The following DMTN variants were observed in gnomAD, a reference collection of about 807,000 sequenced individuals.
DMTN encodes dematin actin binding protein, also known as dematin.
A neutral mutation model predicts 59.4 loss-of-function variants in DMTN; 27 were observed. The observed-to-expected ratio is 0.45, with a 90% CI of 0.33 to 0.63. DMTN has a LOEUF of 0.63. Among genes scored for constraint, DMTN ranks in the 20% least tolerant of loss-of-function variants. The pLI is 0.02. For missense variants in DMTN, 451 were observed against 528.9 expected (o/e 0.85, Z 1.45); for synonymous variants, 221 against 203.7 (o/e 1.08, Z -0.72).
Position 22,066,890 on chromosome 8 carries a change from G to A in DMTN, c.15G>A (p.Gln5=), listed in dbSNP as rs763486749. Residue 5 remains glutamine (Q), a synonymous_variant, in exon 2 of 16, where the codon CAG becomes CAA. Transcript: ENST00000358242. ...CTCCGTGCTGCATGGAACGGCTGCA[G>A]AAGGTGCGCGGCGCCGCCCCGGGCC... MERL[Q]KQPLTSPGSV... 2 of 1,299,742 alleles carry A rather than the reference G, an allele frequency of 1.5e-6. No homozygotes were observed. The highest frequency in any genetic ancestry group is 2.3e-5 in the South Asian group (1 of 44,392). The allele number at this position is 1,299,742 out of a possible 1,614,324, so 80.5% of individuals were successfully genotyped here. A position where few individuals can be genotyped will look rare whatever the true frequency, so the allele number is the denominator to read the frequency against.
At chr8:22,056,668 G>C (rs550118396), upstream of DMTN, among the ~76,000 whole-genome samples, 1 of 151,730 alleles carries the variant, frequency 6.6e-6, no homozygotes, top group Non-Finnish European at 1.5e-5. Flanking sequence ...TGCTCCTCTT[G>C]TTTGAAATGG....
intron 10 of DMTN, among the ~76,000 whole-genome samples, chr8:22,078,703 G>A (rs1821561694): frequency 6.6e-6 from 1 of 151,678 alleles, no homozygotes; most frequent in Admixed American, 6.6e-5. Flanking sequence ...TTGAGACTGA[G>A]GTCCAGTAAT....
upstream of DMTN, chr8:22,054,698 T>C (rs963662965): frequency 6.5e-6 from 1 of 152,696 alleles, no homozygotes; most frequent in African/African-American, 2.4e-5. Context: ...TAGAGCCTTA[T>C]GAAAGGAAGT....
intron 7 of DMTN, 56 bp from the exon 8 acceptor site, chr8:22,070,126 T>C (rs922683892): frequency 1.0e-5 from 16 of 1,556,344 alleles, no homozygotes; most frequent in African/African-American, 2.7e-5. Context: ...GGGGTGAAGG[T>C]AGCCAAGTTG....
At chr8:22,068,703 T>G (rs1812742609) in intron 4 of DMTN, among the ~76,000 whole-genome samples, 4 of 143,674 alleles carry the variant, frequency 2.8e-5, no homozygotes, top group African/African-American at 7.8e-5. Context: ...TAGGAAAAAA[T>G]TAAAAGAAAG....
chr8:22,078,437 A>G (rs967323206), intron 10 of DMTN, among the ~76,000 whole-genome samples: 1 of 149,228 alleles, frequency 6.7e-6, no homozygotes, highest in Non-Finnish European at 1.5e-5. Flanking sequence ...ATATACATAT[A>G]TATGTATATA....
Position 22,081,338 on chromosome 8 carries a change from T to TC in DMTN, c.1105-7dup. ...CCCCTCCATGCTGAGCTGCCCCGAT[T>TC]CCCCCATGTAGAGGCATCTGTCTGC... On this transcript the variant is annotated splice_polypyrimidine_tract_variant and intron_variant, in intron 15 of 15. Transcript: ENST00000358242. 3 of 1,613,084 alleles carry TC rather than the reference T, an allele frequency of 1.9e-6. No homozygotes were observed. Among genetic ancestry groups the TC allele is most frequent in the Non-Finnish European group, 2.5e-6 (3 of 1,179,158 alleles).
At chr8:22,071,387 T>A (rs1278598847) in intron 8 of DMTN, among the ~76,000 whole-genome samples, 1 of 150,064 alleles carries the variant, frequency 6.7e-6, no homozygotes, top group Non-Finnish European at 1.5e-5. Context: ...TGAGCCACCA[T>A]GCCTGACTCT....
chr8:22,070,426 A>T, intron 8 of DMTN, 92 bp downstream of exon 8: 3 of 1,445,652 alleles, frequency 2.1e-6, no homozygotes, highest in Non-Finnish European at 2.8e-6. Context: ...ACCCACTCCC[A>T]CCCCTGCCCT....
upstream of DMTN, among the ~76,000 whole-genome samples, chr8:22,054,103 T>TACACACACACACACACAG (rs1554530810): frequency 1.5e-4 from 22 of 148,340 alleles, no homozygotes; most frequent in African/African-American, 5.5e-4. Context: ...CCACCACCAA[T>TACACACACACACACACAG]ACACACACAC....
chr8:22,054,103 T>TACACACACACACACACACAG (rs59308901), upstream of DMTN, among the ~76,000 whole-genome samples: 10,113 of 148,350 alleles, frequency 0.068, 1,133 homozygotes, highest in African/African-American at 0.24. Context: ...CCACCACCAA[T>TACACACACACACACACACAG]ACACACACAC....
At position 22,067,167 on chromosome 8, in the gene DMTN, C is replaced by T; in HGVS notation, c.93+8C>T. 1 of 1,608,808 alleles carries T rather than the reference C, an allele frequency of 6.2e-7. No individual in the cohort carries two copies. The highest frequency in any genetic ancestry group is 8.5e-7 in the Non-Finnish European group (1 of 1,178,022). On this transcript the variant is annotated splice_region_variant and intron_variant, in intron 3 of 15. Transcript: ENST00000358242. Reference sequence around the variant, plus strand: ...TCTCCCTCCAGCATCGTGGTGAGTACCCCTCTCGGCCACCAGCAACCCCTG... The same window carrying T: ...TCTCCCTCCAGCATCGTGGTGAGTATCCCTCTCGGCCACCAGCAACCCCTG...
In DMTN at chr8:22,069,504, A is replaced by G; in HGVS notation, c.380A>G (p.His127Arg). The change falls in exon 6 of 16, where the codon CAT (histidine) becomes CGT (arginine). Residue 127 changes from histidine (H) to arginine (R), a missense_variant. By Grantham distance (29) the His-to-Arg change is conservative. Coordinates refer to ENST00000358242, the MANE Select transcript of DMTN (RefSeq NM_001387751.1). ...TTGTPRTSLP[H>R]FHHPETSRPD... ...GGAACCCCCCGGACCAGCCTGCCCC[A>G]TTTCCACCACCCTGGTAGGTCTTCT... 1 of 1,598,398 alleles carries G rather than the reference A, an allele frequency of 6.3e-7. No homozygotes were observed. Among genetic ancestry groups the G allele is most frequent in the Non-Finnish European group, 8.5e-7 (1 of 1,173,370 alleles).
chr8:22,074,290 T>C (rs1350641623), intron 10 of DMTN, among the ~76,000 whole-genome samples: 3 of 152,232 alleles, frequency 2.0e-5, no homozygotes, highest in Admixed American at 6.5e-5. Flanking sequence ...GTTTGTTTTA[T>C]TGAGACAGGG....
rs200424061 is a variant in DMTN at position 22,082,274 on chromosome 8, C to T, written c.*811C>T. The T allele has an allele frequency of 2.2e-6, 1 of 456,950 alleles. No homozygotes were observed. Among genetic ancestry groups the T allele is most frequent in the Non-Finnish European group, 4.4e-6 (1 of 227,012 alleles). The allele number at this position is 456,950 out of a possible 1,614,324, so 28.3% of individuals were successfully genotyped here. ...TCTCACCTACACCCACGCACCCCCC[C>T]ACACACTATGCTCTCTCAAGAATGT... On this transcript the variant is annotated 3_prime_UTR_variant, in exon 16 of 16. Transcript: ENST00000358242.
upstream of DMTN, among the ~76,000 whole-genome samples, chr8:22,051,887 C>T (rs189017763): frequency 5.3e-5 from 8 of 152,340 alleles, no homozygotes; most frequent in Middle Eastern, 3.4e-3. Flanking sequence ...CACACTATCC[C>T]GGCCAAACTC....
chr8:22,048,951 C>T (rs1356571015), upstream of DMTN: 1 of 146,346 alleles, frequency 6.8e-6, no homozygotes, highest in African/African-American at 2.4e-5. This position sits in a 1 kb window ranked among gnomAD's most constrained non-coding sequence, Gnocchi z 6.9. Context: ...GGGCTCGGCC[C>T]CGCGGGAGGC....
rs1409943934 is a variant in DMTN, at chr8:22,058,039, G to A, written c.-172+903G>A. On this transcript the variant is annotated intron_variant, in intron 1 of 15. Transcript: ENST00000358242. The surrounding 1 kb of genome is among the most constrained non-coding windows in gnomAD (Gnocchi z 4.3). ...GATGGATGCCAGGGAGAGGACCGGT[G>A]GGTGGGTGTGAGCGGGTGTTGGCAG... 3 of 152,458 alleles carry A rather than the reference G, an allele frequency of 2.0e-5. No individual in the cohort carries two copies. The highest frequency in any genetic ancestry group is 4.4e-5 in the Non-Finnish European group (3 of 68,196). The allele number at this position is 152,458 out of a possible 1,614,324, so 9.4% of individuals were successfully genotyped here. A position where few individuals can be genotyped will look rare whatever the true frequency, so the allele number is the denominator to read the frequency against.
chr8:22,049,520 T>G (rs1185059713), upstream of DMTN, among the ~76,000 whole-genome samples: 4 of 151,008 alleles, frequency 2.6e-5, no homozygotes, highest in Non-Finnish European at 5.9e-5. Context: ...GCCTCTTCAG[T>G]GCGCTGGCTT....
Sources: gnomAD v4.1 joint callset for allele counts (sites outside exome capture counted in the v4.1 genomes callset) on GRCh38, gnomAD v4.1.1 for gene constraint, Gnocchi (gnomAD v3.1) non-coding constraint, MANE v1.5 for transcripts, NCBI Gene and HGNC (gene_info 2026-07-23, HGNC 2026-07-21) for gene names.